The following MKLN1 variants were observed in gnomAD, a reference collection of about 807,000 sequenced individuals.
The protein encoded by MKLN1 is muskelin.
Under a neutral mutation model 99.0 loss-of-function variants are expected in MKLN1, and 18 were observed. The ratio of observed to expected loss-of-function variants is 0.18; its 90% CI spans 0.13 to 0.27. The LOEUF (loss-of-function observed/expected upper bound fraction) is 0.27. Among genes scored for constraint, MKLN1 ranks in the 10% least tolerant of loss-of-function variants. MKLN1 has a pLI of 1.00. For missense variants in MKLN1, 621 were observed against 875.9 expected, an observed-to-expected ratio of 0.71 and a Z score of 3.67; for synonymous variants, 288 against 293.2, an observed-to-expected ratio of 0.98 and a Z score of 0.18.
At chr7:131,158,291 A>C (rs1795997788) in intron 2 of MKLN1, among the ~76,000 whole-genome samples, 1 of 152,140 alleles carries the variant, frequency 6.6e-6, no homozygotes, top group African/African-American at 2.4e-5. Context: ...AATATAAAAA[A>C]ATCAGCTGGG....
In MKLN1 at chr7:131,247,362, C is replaced by T. The variant is rs186965814; in HGVS notation, c.-179+44388C>T. ...CTGAGTAGCTGGGATTACAGGCACACGCACCACCACGCCCAGCTAATTTTT... is the reference window on the plus strand; with the variant it reads ...CTGAGTAGCTGGGATTACAGGCACATGCACCACCACGCCCAGCTAATTTTT... On this transcript the variant is annotated intron_variant, in intron 3 of 7. Transcript: ENST00000416992. 1.1e-4 allele frequency among the ~76,000 whole-genome samples: 17 copies of T among 151,618 alleles called. No individual in the cohort carries two copies. In the East Asian group the frequency reaches 2.2e-3, roughly 19 times the overall value.
intron 3 of MKLN1, among the ~76,000 whole-genome samples, chr7:131,230,771 C>G (rs530058823): frequency 6.6e-6 from 1 of 152,194 alleles, no homozygotes; most frequent in South Asian, 2.1e-4. Context: ...AGAGTAATGG[C>G]ATGGGGAGCC....
At chr7:131,452,367 G>A (rs1374108707) in intron 12 of MKLN1, among the ~76,000 whole-genome samples, 4 of 151,870 alleles carry the variant, frequency 2.6e-5, no homozygotes, top group Non-Finnish European at 5.9e-5. Flanking sequence ...AAGATATGAG[G>A]GCTATGTGAG....
chr7:131,451,412 T>C (rs1263636665), intron 12 of MKLN1, among the ~76,000 whole-genome samples: 1 of 152,168 alleles, frequency 6.6e-6, no homozygotes, highest in Admixed American at 6.5e-5. Context: ...ATAGAGTAAA[T>C]TTGTTTGAAC....
At chr7:131,405,267 A>G (rs1002235866) in intron 6 of MKLN1, among the ~76,000 whole-genome samples, 4 of 151,758 alleles carry the variant, frequency 2.6e-5, no homozygotes, top group Non-Finnish European at 4.4e-5. Flanking sequence ...CAAGTGCACT[A>G]GTCTCTTGAG....
At position 131,328,267 on chromosome 7, in the gene MKLN1, C is replaced by G; in HGVS notation, c.98+270C>G. ...CAGGAGAACCGGAAGCCCAGCGGTT[C>G]TGCGCTTGGGATTTGGGGGTTGAGG... On this transcript the variant is annotated intron_variant, in intron 1 of 17. Coordinates refer to ENST00000352689, the MANE Select transcript of MKLN1 (RefSeq NM_013255.5). 1.1e-5 allele frequency: 5 copies of G among 452,170 alleles called. No homozygotes were observed. The South Asian group carries it at 1.5e-4, about 13-fold the overall frequency. 28.0% of individuals were successfully genotyped at this position (452,170 alleles called of 1,614,324 possible). A position where few individuals can be genotyped will look rare whatever the true frequency, so the allele number is the denominator to read the frequency against.
At chr7:131,132,467 C>G (rs936909408) in intron 1 of MKLN1, among the ~76,000 whole-genome samples, 1 of 152,168 alleles carries the variant, frequency 6.6e-6, no homozygotes, top group South Asian at 2.1e-4. Context: ...TACATAACGA[C>G]TGGATTATTT....
At chr7:131,465,981 T>TTAA (rs764333886) in intron 14 of MKLN1, among the ~76,000 whole-genome samples, 4 of 152,216 alleles carry the variant, frequency 2.6e-5, no homozygotes, top group Non-Finnish European at 4.4e-5. Flanking sequence ...CCTCAGCAAA[T>TTAA]AATATCTTGG....
At chr7:131,484,114 A>G (rs1797205249) in intron 17 of MKLN1, among the ~76,000 whole-genome samples, 1 of 152,156 alleles carries the variant, frequency 6.6e-6, no homozygotes, top group South Asian at 2.1e-4. Context: ...TTGTATTCTT[A>G]TGAAGTGATA....
exon 2 of MKLN1, chr7:131,142,892 A>G (rs1362260046): frequency 3.1e-6 from 4 of 1,304,006 alleles, no homozygotes; most frequent in African/African-American, 1.5e-5. Flanking sequence ...TCCATAAACT[A>G]TTGGATTCAT....
chr7:131,487,500 GC>G lies in MKLN1; in HGVS notation c.2087-105del. On this transcript the variant is annotated intron_variant, in intron 17 of 17. Coordinates refer to ENST00000352689, the MANE Select transcript of MKLN1 (RefSeq NM_013255.5). The surrounding 1 kb of genome is among the most constrained non-coding windows in gnomAD (Gnocchi z 4.7). ...TCAGTAGTGTCTGCCTGGTTTTGAA[GC>G]CTGATTTGATTTCTCCATTATAAAA... The G allele has an allele frequency of 7.8e-7, 1 of 1,286,286 alleles. No homozygotes were observed. The highest frequency in any genetic ancestry group is 1.1e-6 in the Non-Finnish European group (1 of 936,440). 79.7% of individuals were successfully genotyped at this position (1,286,286 alleles called of 1,614,324 possible).
At chr7:131,285,957 C>CCTTTTTTTT (rs397950661) in intron 3 of MKLN1, among the ~76,000 whole-genome samples, 1 of 117,770 alleles carries the variant, frequency 8.5e-6, no homozygotes. Flanking sequence ...CATCTATGGA[C>CCTTTTTTTT]TTTTTTTTTT....
At chr7:131,136,589 G>A (rs1293710412) in intron 1 of MKLN1, among the ~76,000 whole-genome samples, 2 of 152,178 alleles carry the variant, frequency 1.3e-5, no homozygotes, top group Non-Finnish European at 2.9e-5. Context: ...CATATAGAAT[G>A]TGTTTTTACT....
Position 131,493,361 on chromosome 7 carries a change from TAGG to T in MKLN1, c.*5636_*5638del, listed in dbSNP as rs561586281. 95 of 152,230 alleles carry T rather than the reference TAGG, an allele frequency of 6.2e-4. 1 individual carries two copies. Among genetic ancestry groups the T allele is most frequent in the African/African-American group, 2.2e-3 (91 of 41,540 alleles). The allele number at this position is 152,230 out of a possible 1,614,324, so 9.4% of individuals were successfully genotyped here. On this transcript the variant is annotated 3_prime_UTR_variant, in exon 18 of 18. Transcript: ENST00000352689. ...TGAGGGTATGTTAGAGAAGGAAAAATAGGAGCTTTTTGCTTATGGATTTTAGAG... is the reference window on the plus strand; with the variant it reads ...TGAGGGTATGTTAGAGAAGGAAAAATAGCTTTTTGCTTATGGATTTTAGAG...
intron 1 of MKLN1, among the ~76,000 whole-genome samples, chr7:131,369,788 C>G (rs896930686): frequency 6.6e-6 from 1 of 152,050 alleles, no homozygotes; most frequent in Non-Finnish European, 1.5e-5. Flanking sequence ...CATTTTTCCC[C>G]TAGGGTTTTT....
At chr7:131,212,403 C>G (rs376040490) in intron 3 of MKLN1, among the ~76,000 whole-genome samples, 1 of 152,206 alleles carries the variant, frequency 6.6e-6, no homozygotes, top group Non-Finnish European at 1.5e-5. Context: ...CATGAATAGA[C>G]TCTTCTTTAA....
intron 17 of MKLN1, among the ~76,000 whole-genome samples, chr7:131,484,088 A>G (rs1232802540): frequency 6.6e-6 from 1 of 152,172 alleles, no homozygotes; most frequent in Admixed American, 6.5e-5. Context: ...GTTTTTATGA[A>G]GCTACACTAG....
chr7:131,148,194 A>G (rs1361084399), intron 2 of MKLN1, among the ~76,000 whole-genome samples: 1 of 152,160 alleles, frequency 6.6e-6, no homozygotes, highest in Non-Finnish European at 1.5e-5. Flanking sequence ...GATTACAGGC[A>G]TGAACTACCA....
intron 3 of MKLN1, chr7:131,242,466 T>G: frequency 4.7e-6 from 1 of 212,328 alleles, no homozygotes; most frequent in Non-Finnish European, 9.5e-6. Flanking sequence ...AGCCCAGGAG[T>G]TTGAGACTAA....
Sources: gnomAD v4.1 joint callset for allele counts (sites outside exome capture counted in the v4.1 genomes callset) on GRCh38, gnomAD v4.1.1 for gene constraint, Gnocchi (gnomAD v3.1) non-coding constraint, MANE v1.5 for transcripts, NCBI Gene and HGNC (gene_info 2026-07-23, HGNC 2026-07-21) for gene names.